The following GALNTL6 variants were observed in gnomAD, a reference collection of about 807,000 sequenced individuals.
GALNTL6 encodes polypeptide N-acetylgalactosaminyltransferase like 6.
GALNTL6 carries 46 observed loss-of-function variants against 73.7 expected under a neutral mutation model. That is an observed-to-expected ratio of 0.62 (90% CI 0.49 to 0.80). GALNTL6 has a LOEUF of 0.80. Ranked by LOEUF, GALNTL6 falls within the 30% of genes least tolerant of loss-of-function variation. The pLI, the probability that GALNTL6 is intolerant of heterozygous loss-of-function variation, is 0.00. For missense variants in GALNTL6, 604 were observed against 755.0 expected (o/e 0.80, Z 2.34); for synonymous variants, 259 against 263.7 (o/e 0.98, Z 0.17).
chr4:172,467,637 T>C (rs1732870682), intron 5 of GALNTL6, among the ~76,000 whole-genome samples: 1 of 152,168 alleles, frequency 6.6e-6, no homozygotes, highest in Non-Finnish European at 1.5e-5. Flanking sequence ...CCAAAGCATG[T>C]CATAAGACTA....
chr4:172,696,516 T>G (rs1240326340), intron 5 of GALNTL6, among the ~76,000 whole-genome samples: 1 of 152,168 alleles, frequency 6.6e-6, no homozygotes, highest in African/African-American at 2.4e-5. Context: ...TTCCCACGTG[T>G]CATGGGAGGG....
At chr4:172,261,385 G>C (rs571182792) in intron 3 of GALNTL6, among the ~76,000 whole-genome samples, 1 of 151,356 alleles carries the variant, frequency 6.6e-6, no homozygotes, top group Non-Finnish European at 1.5e-5. Flanking sequence ...TTTCTAGTTT[G>C]TGCATGTAAA....
chr4:172,691,844 C>A (rs1733319460), intron 5 of GALNTL6, among the ~76,000 whole-genome samples: 1 of 152,202 alleles, frequency 6.6e-6, no homozygotes, highest in Non-Finnish European at 1.5e-5. Flanking sequence ...AGAAGCTGAG[C>A]AAGACAATCT....
chr4:172,715,978 C>T (rs538403103), intron 5 of GALNTL6, among the ~76,000 whole-genome samples: 86 of 152,274 alleles, frequency 5.6e-4, no homozygotes, highest in African/African-American at 2.0e-3. Flanking sequence ...TATAGACTGG[C>T]GTTCAGATGC....
At chr4:171,964,121 C>T (rs544440501) in intron 2 of GALNTL6, among the ~76,000 whole-genome samples, 1 of 151,998 alleles carries the variant, frequency 6.6e-6, no homozygotes, top group African/African-American at 2.4e-5. Context: ...AATTTTGGCT[C>T]TGAGAACTGG....
chr4:171,963,001 T>C (rs771767514), intron 2 of GALNTL6, among the ~76,000 whole-genome samples: 3 of 151,820 alleles, frequency 2.0e-5, no homozygotes, highest in African/African-American at 4.8e-5. Flanking sequence ...CTCTTGACCT[T>C]GTGATCCGCC....
At chr4:172,225,477 C>G (rs1369179397) in intron 2 of GALNTL6, among the ~76,000 whole-genome samples, 1 of 150,496 alleles carries the variant, frequency 6.6e-6, no homozygotes, top group Non-Finnish European at 1.5e-5. Context: ...ATTAGAGGTT[C>G]CCAACCCATA....
chr4:172,859,405 A>T (rs1000195119), intron 7 of GALNTL6, among the ~76,000 whole-genome samples: 9 of 152,182 alleles, frequency 5.9e-5, no homozygotes, highest in African/African-American at 2.2e-4. Context: ...AAGGCAGTAC[A>T]TGAAGCGCTT....
intron 5 of GALNTL6, among the ~76,000 whole-genome samples, chr4:172,721,360 T>C (rs925121704): frequency 2.0e-5 from 3 of 152,180 alleles, no homozygotes; most frequent in African/African-American, 4.8e-5. Context: ...TCTACAAAGG[T>C]ATTTAATCCT....
chr4:172,630,536 A>G (rs1739348750), intron 5 of GALNTL6, among the ~76,000 whole-genome samples: 1 of 152,054 alleles, frequency 6.6e-6, no homozygotes, highest in African/African-American at 2.4e-5. Flanking sequence ...CTGCTGCTCA[A>G]GAGTTCTATC....
At chr4:172,588,567 C>T (rs569642517) in intron 5 of GALNTL6, among the ~76,000 whole-genome samples, 18 of 151,684 alleles carry the variant, frequency 1.2e-4, no homozygotes, top group Non-Finnish European at 2.6e-4. Context: ...TCCTCCCAAT[C>T]GTGGATAGTG....
intron 4 of GALNTL6, among the ~76,000 whole-genome samples, chr4:172,340,603 A>C (rs1358076619): frequency 1.3e-5 from 2 of 152,192 alleles, no homozygotes; most frequent in African/African-American, 4.8e-5. Context: ...ATTACTATAA[A>C]TATTATTGAG....
chr4:172,414,974 A>G (rs576571634), intron 5 of GALNTL6, among the ~76,000 whole-genome samples: 16 of 152,134 alleles, frequency 1.1e-4, no homozygotes, highest in Admixed American at 3.9e-4. Flanking sequence ...ATACTCACAC[A>G]TTTCTGATGT....
chr4:172,426,419 A>G (rs986558750), intron 5 of GALNTL6, among the ~76,000 whole-genome samples: 11 of 152,170 alleles, frequency 7.2e-5, no homozygotes, highest in East Asian at 3.8e-4. Flanking sequence ...TCACACAAGG[A>G]CTATAATGGC....
At chr4:171,938,954 A>G (rs1349433916) in intron 2 of GALNTL6, among the ~76,000 whole-genome samples, 1 of 152,142 alleles carries the variant, frequency 6.6e-6, no homozygotes, top group Non-Finnish European at 1.5e-5. Context: ...TGGTTTATAA[A>G]GATAAATAAA....
At chr4:172,803,798 T>C (rs182268708) in intron 5 of GALNTL6, among the ~76,000 whole-genome samples, 3 of 152,336 alleles carry the variant, frequency 2.0e-5, no homozygotes, top group Admixed American at 2.0e-4. Flanking sequence ...ATTCAAGGAA[T>C]ACAAATAAGA....
chr4:173,032,624 G>C lies in GALNTL6; in HGVS notation c.1639-7309G>C, dbSNP rs138867173. ...TGTTTGAGCCTGGGATGTCGAGGCT[G>C]CAGTGAGCCAAGGTGGCGCCACTGT... On this transcript the variant is annotated intron_variant, in intron 12 of 12. Transcript: ENST00000506823. 4.0e-3 allele frequency among the ~76,000 whole-genome samples: 614 copies of C among 152,220 alleles called. 3 individuals are homozygous for C. The highest frequency in any genetic ancestry group is 0.014 in the African/African-American group (561 of 41,528).
At chr4:172,970,395 C>G (rs796579836) in intron 10 of GALNTL6, among the ~76,000 whole-genome samples, 14 of 152,188 alleles carry the variant, frequency 9.2e-5, no homozygotes, top group African/African-American at 3.1e-4. Flanking sequence ...CTTATCTCAC[C>G]ACATAAGACA....
intron 8 of GALNTL6, among the ~76,000 whole-genome samples, chr4:172,886,497 G>A (rs1463871374): frequency 2.0e-5 from 3 of 152,076 alleles, no homozygotes; most frequent in African/African-American, 7.3e-5. Flanking sequence ...TGGACGCGGT[G>A]GCTCACGACT....
Sources: allele counts gnomAD v4.1 joint callset (sites outside exome capture counted in the v4.1 genomes callset), GRCh38; gene constraint gnomAD v4.1.1; transcripts MANE v1.5; gene names NCBI Gene and HGNC (gene_info 2026-07-23, HGNC 2026-07-21).